RNF130: variants seen among roughly 807,000 people sequenced by gnomAD.
RNF130 encodes E3 ubiquitin-protein ligase RNF130.
Under a neutral mutation model 44.6 loss-of-function variants are expected in RNF130, and 21 were observed. The ratio of observed to expected loss-of-function variants is 0.47; its 90% CI spans 0.33 to 0.68. The LOEUF is 0.68. Ranked by LOEUF, RNF130 falls within the 30% of genes least tolerant of loss-of-function variation. The pLI is 0.02. For synonymous variants in RNF130, 214 were observed against 210.4 expected (o/e 1.02, Z -0.15); for missense variants, 479 against 560.6 (o/e 0.85, Z 1.47).
chr5:179,938,231 C>T (rs1761923895), intron 7 of RNF130, among the ~76,000 whole-genome samples: 1 of 152,092 alleles, frequency 6.6e-6, no homozygotes, highest in South Asian at 2.1e-4. Context: ...GTACTGGGAT[C>T]ACAGGCACGA....
At chr5:179,931,680 C>A (rs970981766) in intron 7 of RNF130, among the ~76,000 whole-genome samples, 1 of 151,038 alleles carries the variant, frequency 6.6e-6, no homozygotes, top group African/African-American at 2.4e-5. Flanking sequence ...GAGGCTGAGG[C>A]AGGAGAATTG....
At chr5:179,973,989 T>C (rs1008654745) in intron 5 of RNF130, among the ~76,000 whole-genome samples, 15 of 152,300 alleles carry the variant, frequency 9.8e-5, no homozygotes, top group African/African-American at 3.4e-4. Flanking sequence ...CTTTCCTATG[T>C]CCCACACATG....
chr5:179,986,242 T>C (rs910172422), intron 3 of RNF130, among the ~76,000 whole-genome samples: 15 of 152,258 alleles, frequency 9.9e-5, no homozygotes, highest in Non-Finnish European at 2.1e-4. Flanking sequence ...TAGATTTTTC[T>C]GTCCTTTTAT....
chr5:180,038,249 C>A (rs1364785365), intron 2 of RNF130, among the ~76,000 whole-genome samples: 3 of 118,610 alleles, frequency 2.5e-5, no homozygotes, highest in South Asian at 3.1e-4. Context: ...GAGATGGGGT[C>A]TCCCTATGTT....
chr5:179,978,808 G>C (rs1052973088), intron 4 of RNF130, among the ~76,000 whole-genome samples: 1 of 152,214 alleles, frequency 6.6e-6, no homozygotes, highest in African/African-American at 2.4e-5. Context: ...AAGGGTCATT[G>C]GCTCAATTCA....
intron 1 of RNF130, among the ~76,000 whole-genome samples, chr5:180,044,012 G>C (rs1021119321): frequency 6.6e-6 from 1 of 152,018 alleles, no homozygotes; most frequent in African/African-American, 2.4e-5. Flanking sequence ...TGAAAACAAC[G>C]GTTCTATAAC....
In RNF130 at chr5:179,977,483, A is replaced by G. The variant is rs1335213460; in HGVS notation, c.848+720T>C. 3 of 152,454 alleles carry G rather than the reference A, an allele frequency of 2.0e-5. No individual in the cohort carries two copies. Among genetic ancestry groups the G allele is most frequent in the East Asian group, 3.9e-4 (2 of 5,178 alleles). 9.4% of individuals were successfully genotyped at this position (152,454 alleles called of 1,614,324 possible). ...TCATGCCTGTAATCCCAACACTTTG[A>G]GAGGACAAGGCAGGAGGACTGCTTG... On this transcript the variant is annotated intron_variant, in intron 5 of 8. Coordinates refer to ENST00000521389, the MANE Select transcript of RNF130 (RefSeq NM_018434.6). The surrounding 1 kb of genome is among the most constrained non-coding windows in gnomAD (Gnocchi z 4.1).
chr5:179,920,223 A>G (rs1401451820), exon 8 of RNF130: 1 of 630,968 alleles, frequency 1.6e-6, no homozygotes, highest in South Asian at 1.8e-5. Flanking sequence ...CATTCTTCCA[A>G]AACGGATGCT....
At chr5:179,913,912 C>T (rs1761504205) in exon 8 of RNF130, 1 of 152,206 alleles carries the variant, frequency 6.6e-6, no homozygotes, top group African/African-American at 2.4e-5. Flanking sequence ...GCTTTGCTTT[C>T]CCTGTAGTTG....
intron 4 of RNF130, among the ~76,000 whole-genome samples, chr5:179,979,838 G>A (rs1477262863): frequency 6.6e-6 from 1 of 152,162 alleles, no homozygotes; most frequent in Non-Finnish European, 1.5e-5. Context: ...AAGAGACATA[G>A]CAAAGTCCCA....
chr5:180,021,780 A>G (rs1763876973), intron 2 of RNF130, among the ~76,000 whole-genome samples: 1 of 152,208 alleles, frequency 6.6e-6, no homozygotes, highest in African/African-American at 2.4e-5. Flanking sequence ...ATTTATAAAC[A>G]TAATACAACC....
chr5:179,969,363 C>A (rs973771008), intron 6 of RNF130, among the ~76,000 whole-genome samples: 10 of 151,664 alleles, frequency 6.6e-5, no homozygotes, highest in Non-Finnish European at 1.3e-4. Context: ...TTGCAACTTA[C>A]CAACCCTCAA....
chr5:180,021,642 G>T (rs540185892), intron 2 of RNF130, among the ~76,000 whole-genome samples: 1 of 151,948 alleles, frequency 6.6e-6, no homozygotes, highest in African/African-American at 2.4e-5. Flanking sequence ...ATTATTTAAA[G>T]AATCTAAAAC....
chr5:180,049,537 G>A (rs1271846315), intron 1 of RNF130, among the ~76,000 whole-genome samples: 1 of 152,136 alleles, frequency 6.6e-6, no homozygotes. Flanking sequence ...ACTGAATCCT[G>A]TCCCTAATGT....
intron 7 of RNF130, among the ~76,000 whole-genome samples, chr5:179,928,773 C>T (rs560270376): frequency 1.9e-4 from 29 of 152,044 alleles, no homozygotes; most frequent in African/African-American, 7.0e-4. Flanking sequence ...GGACTACAGG[C>T]GCCCACCACC....
chr5:179,996,906 A>G (rs1186392135), intron 3 of RNF130, among the ~76,000 whole-genome samples: 1 of 152,132 alleles, frequency 6.6e-6, no homozygotes, highest in Admixed American at 6.5e-5. Context: ...TCTTCTTTAA[A>G]TGTTTGGCAG....
At chr5:179,970,626 G>A in intron 5 of RNF130, 120 bp from the exon 6 acceptor site, 2 of 712,676 alleles carry the variant, frequency 2.8e-6, no homozygotes, top group Admixed American at 2.9e-5. Flanking sequence ...CATATTTTAA[G>A]CCCCAAGAGA....
chr5:180,058,669 C>A (rs1321446210), intron 1 of RNF130, among the ~76,000 whole-genome samples: 1 of 152,126 alleles, frequency 6.6e-6, no homozygotes, highest in Non-Finnish European at 1.5e-5. Flanking sequence ...GAGTCTCCTG[C>A]CTCAGCCTCC....
chr5:179,988,347 A>C (rs1158883713), intron 3 of RNF130, among the ~76,000 whole-genome samples: 1 of 152,148 alleles, frequency 6.6e-6, no homozygotes, highest in Non-Finnish European at 1.5e-5. Flanking sequence ...TTGAAAAACC[A>C]AATTTCATTG....
Sources: gnomAD v4.1 joint callset for allele counts (sites outside exome capture counted in the v4.1 genomes callset) on GRCh38, gnomAD v4.1.1 for gene constraint, Gnocchi (gnomAD v3.1) non-coding constraint, MANE v1.5 for transcripts, NCBI Gene and HGNC (gene_info 2026-07-23, HGNC 2026-07-21) for gene names.